The following SCML4 variants were observed in gnomAD, a reference collection of about 807,000 sequenced individuals.
SCML4 encodes Scm polycomb group protein like 4, also known as sex comb on midleg-like protein 4.
SCML4 carries 34 observed loss-of-function variants against 41.1 expected under a neutral mutation model. The ratio of observed to expected loss-of-function variants is 0.83; its 90% CI spans 0.63 to 1.10. SCML4 has a LOEUF of 1.10. SCML4 is among the 50% of genes least tolerant of loss of function. SCML4 has a pLI of 0.00. For missense variants in SCML4, 522 were observed against 534.1 expected (o/e 0.98, Z 0.22); for synonymous variants, 214 against 220.9 (o/e 0.97, Z 0.28).
Position 107,707,761 on chromosome 6 carries a change from C to T in SCML4, c.1119+105G>A, listed in dbSNP as rs1440616436. The T allele has an allele frequency of 5.6e-6, 8 of 1,434,956 alleles. No individual in the cohort carries two copies. In the South Asian group the frequency reaches 6.2e-5, roughly 11 times the overall value. 88.9% of individuals were successfully genotyped at this position (1,434,956 alleles called of 1,614,324 possible). On this transcript the variant is annotated intron_variant, in intron 7 of 7. Transcript: ENST00000369020. ...CCCCTAGGGCTTAGTTTAGAGCACC[C>T]CTCCACCACCTCCCCTGGCAGCATC...
At chr6:107,780,210 G>A (rs992159812) in intron 1 of SCML4, among the ~76,000 whole-genome samples, 5 of 152,110 alleles carry the variant, frequency 3.3e-5, no homozygotes, top group African/African-American at 9.7e-5. Context: ...ATAATAGAAT[G>A]CCTTTGATAG....
intron 2 of SCML4, among the ~76,000 whole-genome samples, chr6:107,762,060 AAAAATT>A (rs1307915258): frequency 2.6e-5 from 4 of 152,172 alleles, no homozygotes; most frequent in Non-Finnish European, 5.9e-5. Context: ...CTAAAAAAGA[AAAAATT>A]AAAATGCATG....
At chr6:107,769,116 G>A (rs1417339327) in intron 2 of SCML4, among the ~76,000 whole-genome samples, 1 of 152,224 alleles carries the variant, frequency 6.6e-6, no homozygotes, top group East Asian at 1.9e-4. Flanking sequence ...CTTCATGGTA[G>A]TCAGAGTGTG....
At chr6:107,717,746 C>G (rs1027860637) in intron 6 of SCML4, among the ~76,000 whole-genome samples, 1 of 152,164 alleles carries the variant, frequency 6.6e-6, no homozygotes, top group African/African-American at 2.4e-5. Flanking sequence ...CGGGGTTTCA[C>G]CATGTTGGTC....
chr6:107,756,869 T>C (rs779065475), intron 2 of SCML4, among the ~76,000 whole-genome samples: 2 of 152,202 alleles, frequency 1.3e-5, no homozygotes, highest in Non-Finnish European at 2.9e-5. Flanking sequence ...AGCACAGAAC[T>C]GGAAGCAGCT....
the SCML4 span, among the ~76,000 whole-genome samples, chr6:107,843,518 A>G: frequency 3.7e-4 from 56 of 152,298 alleles, 1 homozygote; most frequent in East Asian, 0.011. Context: ...AGCACAGGGA[A>G]GTGGCTTATT....
chr6:107,764,026 C>A (rs979502229), intron 2 of SCML4, among the ~76,000 whole-genome samples: 2 of 152,176 alleles, frequency 1.3e-5, no homozygotes, highest in African/African-American at 4.8e-5. Flanking sequence ...TACAAAACTC[C>A]CTTGGGGTTC....
intron 2 of SCML4, among the ~76,000 whole-genome samples, chr6:107,752,166 C>T (rs1778748904): frequency 6.6e-6 from 1 of 152,000 alleles, no homozygotes; most frequent in Non-Finnish European, 1.5e-5. Context: ...TGACTTCAAG[C>T]ATTGACACCA....
chr6:107,755,643 T>A, intron 2 of SCML4: 1 of 1,330,198 alleles, frequency 7.5e-7, no homozygotes, highest in Non-Finnish European at 9.9e-7. Flanking sequence ...AGGGCATTTG[T>A]CTTTGTTGTT....
intron 6 of SCML4, among the ~76,000 whole-genome samples, chr6:107,712,820 G>A (rs550517554): frequency 1.3e-5 from 2 of 152,310 alleles, no homozygotes; most frequent in South Asian, 4.1e-4. Context: ...CAGGAAGACA[G>A]ATGGGTGGAG....
intron 5 of SCML4, among the ~76,000 whole-genome samples, chr6:107,726,928 A>G (rs1776043902): frequency 6.6e-6 from 1 of 152,218 alleles, no homozygotes. Flanking sequence ...AATGAAAACA[A>G]ATGTCTACAT....
chr6:107,717,795 G>C (rs149308774), intron 6 of SCML4, among the ~76,000 whole-genome samples: 113 of 152,308 alleles, frequency 7.4e-4, no homozygotes, highest in African/African-American at 2.6e-3. Flanking sequence ...TGATCCACCC[G>C]CCTTGGCCTC....
chr6:107,731,225 A>C (rs962791007), intron 5 of SCML4, among the ~76,000 whole-genome samples: 8 of 152,212 alleles, frequency 5.3e-5, no homozygotes, highest in African/African-American at 1.9e-4. Context: ...CTCCTGACCA[A>C]GTGTCAGCTC....
At chr6:107,838,690 G>A in the SCML4 span, among the ~76,000 whole-genome samples, 1 of 152,302 alleles carries the variant, frequency 6.6e-6, no homozygotes, top group South Asian at 2.1e-4. Flanking sequence ...AAAGAGGTAA[G>A]GGAGTGCTTG....
At chr6:107,712,073 T>C (rs2114359251) in intron 6 of SCML4, among the ~76,000 whole-genome samples, 1 of 152,098 alleles carries the variant, frequency 6.6e-6, no homozygotes, top group South Asian at 2.1e-4. Flanking sequence ...CCTGGAGCCA[T>C]CTGAATGCCG....
At position 107,734,762 on chromosome 6, in the gene SCML4, TGTAAGG is replaced by T. The variant is rs1415685998; in HGVS notation, c.682+10181_682+10186del. Among the ~76,000 whole-genome samples, 3 of 152,138 alleles carry T rather than the reference TGTAAGG, an allele frequency of 2.0e-5. No individual in the cohort carries two copies. In the East Asian group the frequency reaches 5.8e-4, roughly 29 times the overall value. On this transcript the variant is annotated intron_variant, in intron 5 of 7. Coordinates refer to ENST00000369020, the MANE Select transcript of SCML4 (RefSeq NM_198081.5). ...CTGGAGAACACTCCCTATTCCATGG[TGTAAGG>T]GTTCTAGCTTGGCCTCTATGGCCCT...
chr6:107,711,813 T>A (rs1345131091), intron 6 of SCML4, among the ~76,000 whole-genome samples: 1 of 152,232 alleles, frequency 6.6e-6, no homozygotes, highest in Non-Finnish European at 1.5e-5. Context: ...CTTCTTTAGA[T>A]CTCGGGGCAC....
At chr6:107,821,265 AG>A (rs1456063384) in intron 1 of SCML4, among the ~76,000 whole-genome samples, 2 of 152,138 alleles carry the variant, frequency 1.3e-5, no homozygotes, top group Non-Finnish European at 2.9e-5. Context: ...TGTCTCTCCC[AG>A]GGGCTGATTT....
intron 2 of SCML4, among the ~76,000 whole-genome samples, chr6:107,752,174 C>T (rs1205500932): frequency 1.3e-5 from 2 of 151,920 alleles, no homozygotes; most frequent in Non-Finnish European, 2.9e-5. Context: ...AGCATTGACA[C>T]CAGGAGGGCT....
Sources: allele counts gnomAD v4.1 joint callset (sites outside exome capture counted in the v4.1 genomes callset), GRCh38; gene constraint gnomAD v4.1.1; transcripts MANE v1.5; gene names NCBI Gene and HGNC (gene_info 2026-07-23, HGNC 2026-07-21).